The following LRMDA variants were observed in gnomAD, a reference collection of about 807,000 sequenced individuals.
The protein encoded by LRMDA is leucine-rich melanocyte differentiation-associated protein.
LRMDA carries 18 observed loss-of-function variants against 29.8 expected under a neutral mutation model. That is an observed-to-expected ratio of 0.60 (90% CI 0.42 to 0.90). The LOEUF (loss-of-function observed/expected upper bound fraction) is 0.90. Ranked by LOEUF, LRMDA falls within the 40% of genes least tolerant of loss-of-function variation. The pLI, the probability that LRMDA is intolerant of heterozygous loss-of-function variation, is 0.00. For synonymous variants in LRMDA, 125 were observed against 109.4 expected (o/e 1.14, Z -0.89); for missense variants, 273 against 273.9 (o/e 1.00, Z 0.02).
At chr10:76,259,678 A>G (rs1265660364) in intron 5 of LRMDA, among the ~76,000 whole-genome samples, 1 of 152,032 alleles carries the variant, frequency 6.6e-6, no homozygotes, top group Non-Finnish European at 1.5e-5. Context: ...GTCCCCAACT[A>G]CTATTGTATT....
rs139768524 is a variant in LRMDA at position 76,327,046 on chromosome 10, C to T, written c.601+2561C>T. Among the ~76,000 whole-genome samples, 189 of 150,900 alleles carry T rather than the reference C, an allele frequency of 1.3e-3. 1 individual carries two copies. Among genetic ancestry groups the T allele is most frequent in the African/African-American group, 4.5e-3 (185 of 41,130 alleles). ...GTCAGGTTATGTGTATCTTAAACTC[C>T]TCATAAATGAAAACTCCCTGAGAGG... On this transcript the variant is annotated intron_variant, in intron 6 of 6. Coordinates refer to ENST00000611255, the MANE Select transcript of LRMDA (RefSeq NM_001305581.2).
chr10:75,618,382 C>CTCTATATATATA (rs1338091170), intron 2 of LRMDA, among the ~76,000 whole-genome samples: 3 of 77,020 alleles, frequency 3.9e-5, no homozygotes, highest in Admixed American at 1.5e-4. Context: ...CTCTCTCTCT[C>CTCTATATATATA]TATATATATA....
At chr10:75,673,463 T>C (rs1841924957) in intron 2 of LRMDA, among the ~76,000 whole-genome samples, 1 of 152,126 alleles carries the variant, frequency 6.6e-6, no homozygotes, top group Non-Finnish European at 1.5e-5. Context: ...AAACACAAAG[T>C]ATGGAATGAT....
chr10:76,123,150 G>A (rs575322543), intron 5 of LRMDA, among the ~76,000 whole-genome samples: 3 of 152,192 alleles, frequency 2.0e-5, no homozygotes, highest in Non-Finnish European at 2.9e-5. Flanking sequence ...TGGGATCCAC[G>A]TGGTTTGGGA....
chr10:75,566,998 A>G (rs1319420698), intron 2 of LRMDA, among the ~76,000 whole-genome samples: 7 of 152,182 alleles, frequency 4.6e-5, no homozygotes, highest in Admixed American at 3.9e-4. Flanking sequence ...TCACCAGATT[A>G]TACCTTCATC....
chr10:75,448,001 C>T (rs1161172612), intron 2 of LRMDA, among the ~76,000 whole-genome samples: 1 of 152,138 alleles, frequency 6.6e-6, no homozygotes, highest in Admixed American at 6.5e-5. Flanking sequence ...CCTAAGGCTT[C>T]CTGACTTCCT....
At chr10:76,552,780 A>G (rs754143818) in intron 6 of LRMDA, among the ~76,000 whole-genome samples, 2 of 152,156 alleles carry the variant, frequency 1.3e-5, no homozygotes, top group Non-Finnish European at 2.9e-5. Flanking sequence ...GTGTGAGGCC[A>G]TCCAGGAATC....
intron 6 of LRMDA, among the ~76,000 whole-genome samples, chr10:76,517,393 G>A (rs1336046476): frequency 2.6e-5 from 4 of 152,078 alleles, no homozygotes; most frequent in African/African-American, 7.2e-5. Context: ...AAGGCACAAG[G>A]CAGATTTCTT....
chr10:75,814,319 T>C (rs1341497084), intron 2 of LRMDA, among the ~76,000 whole-genome samples: 4 of 152,148 alleles, frequency 2.6e-5, no homozygotes, highest in Non-Finnish European at 5.9e-5. Context: ...AGGAGATGAG[T>C]GCAAACTGAG....
chr10:75,613,275 C>T (rs1198871854), intron 2 of LRMDA, among the ~76,000 whole-genome samples: 1 of 152,142 alleles, frequency 6.6e-6, no homozygotes, highest in Non-Finnish European at 1.5e-5. Context: ...GATTGTTTCT[C>T]TGTTATAAAA....
intron 2 of LRMDA, among the ~76,000 whole-genome samples, chr10:75,882,091 G>A (rs900784560): frequency 3.9e-5 from 6 of 152,216 alleles, no homozygotes; most frequent in Admixed American, 2.6e-4. Flanking sequence ...CACAGCAAGT[G>A]CAAAGCCTCT....
At chr10:76,095,833 G>C (rs1849303839) in intron 5 of LRMDA, among the ~76,000 whole-genome samples, 1 of 151,834 alleles carries the variant, frequency 6.6e-6, no homozygotes, top group Non-Finnish European at 1.5e-5. Context: ...GTTAAAGTCG[G>C]TTCAAATCTT....
At chr10:75,823,622 TA>T (rs1442884440) in intron 2 of LRMDA, among the ~76,000 whole-genome samples, 1 of 151,994 alleles carries the variant, frequency 6.6e-6, no homozygotes, top group Non-Finnish European at 1.5e-5. Flanking sequence ...CACTACTGGG[TA>T]TCTACCCGAA....
Position 76,192,573 on chromosome 10 carries a change from A to G in LRMDA, c.517-131828A>G, listed in dbSNP as rs117309217. 3.0e-3 allele frequency among the ~76,000 whole-genome samples: 453 copies of G among 152,356 alleles called. 2 individuals carry two copies. The highest frequency in any genetic ancestry group is 5.6e-3 in the South Asian group (27 of 4,832). ...CTCCCTGAATATCTCAGAAAATGAA[A>G]TGGTTAAAATAGGAGGGGTATTGAA... On this transcript the variant is annotated intron_variant, in intron 5 of 6. Coordinates refer to ENST00000611255, the MANE Select transcript of LRMDA (RefSeq NM_001305581.2).
At chr10:76,421,396 C>T (rs1363148253) in intron 6 of LRMDA, among the ~76,000 whole-genome samples, 1 of 152,056 alleles carries the variant, frequency 6.6e-6, no homozygotes, top group Non-Finnish European at 1.5e-5. Flanking sequence ...CTCTCAAATT[C>T]TCTGAAGGCT....
intron 6 of LRMDA, among the ~76,000 whole-genome samples, chr10:76,519,802 A>G (rs1227891764): frequency 6.6e-6 from 1 of 152,002 alleles, no homozygotes; most frequent in Non-Finnish European, 1.5e-5. Flanking sequence ...TTTATGTTAT[A>G]AACAGCTCTT....
chr10:76,123,529 A>C (rs923609261), intron 5 of LRMDA, among the ~76,000 whole-genome samples: 2 of 152,110 alleles, frequency 1.3e-5, no homozygotes, highest in Non-Finnish European at 2.9e-5. Context: ...AACAAAAACA[A>C]AACAAGTCAA....
At chr10:75,993,977 C>T (rs562764688) in intron 2 of LRMDA, among the ~76,000 whole-genome samples, 7 of 152,210 alleles carry the variant, frequency 4.6e-5, no homozygotes, top group East Asian at 1.9e-4. Context: ...CTTTGCAGGC[C>T]CCTTTTATCA....
chr10:75,456,454 G>A (rs1222779960), intron 2 of LRMDA, among the ~76,000 whole-genome samples: 1 of 152,190 alleles, frequency 6.6e-6, no homozygotes, highest in African/African-American at 2.4e-5. Context: ...GCACTTAGGG[G>A]TACATTCTTC....
Sources: gnomAD v4.1 joint callset for allele counts (sites outside exome capture counted in the v4.1 genomes callset) on GRCh38, gnomAD v4.1.1 for gene constraint, MANE v1.5 for transcripts, NCBI Gene and HGNC (gene_info 2026-07-23, HGNC 2026-07-21) for gene names.